STX8: variants seen among roughly 807,000 people sequenced by gnomAD.
The protein encoded by STX8 is syntaxin-8.
In STX8, 23 loss-of-function variants were observed where a neutral mutation model predicts 37.5. The observed-to-expected ratio is 0.61, with a 90% confidence interval of 0.44 to 0.87. STX8 has a LOEUF of 0.87. STX8 is among the 40% of genes least tolerant of loss of function. The pLI is 0.00. For missense variants in STX8, 313 were observed against 284.7 expected, an observed-to-expected ratio of 1.10 and a Z score of -0.71; for synonymous variants, 115 against 99.1, an observed-to-expected ratio of 1.16 and a Z score of -0.95.
chr17:9,295,161 T>C (rs1908469564), intron 7 of STX8, among the ~76,000 whole-genome samples: 1 of 152,234 alleles, frequency 6.6e-6, no homozygotes, highest in Non-Finnish European at 1.5e-5. Flanking sequence ...CTAATTTATA[T>C]TTGAAAACTC....
rs527835070 is a variant in STX8 at position 9,450,538 on chromosome 17, G to A, written c.541+41291C>T. ...TATCTTACTCAGACTAGCCTCAAAC[G>A]ATCCTCCAGCCTCAGCCTCCCTAGT... On this transcript the variant is annotated intron_variant, in intron 6 of 7. Transcript: ENST00000306357. 4.0e-5 allele frequency among the ~76,000 whole-genome samples: 6 copies of A among 151,238 alleles called. No individual in the cohort carries two copies. The East Asian group carries it at 7.9e-4, about 20-fold the overall frequency.
intron 4 of STX8, among the ~76,000 whole-genome samples, chr17:9,519,455 T>C (rs148203479): frequency 5.3e-5 from 8 of 152,034 alleles, no homozygotes; most frequent in African/African-American, 1.9e-4. Flanking sequence ...CTGACTGCCC[T>C]CCCCATTGGT....
chr17:9,512,371 C>T (rs1567592318), intron 4 of STX8, among the ~76,000 whole-genome samples: 1 of 152,144 alleles, frequency 6.6e-6, no homozygotes, highest in South Asian at 2.1e-4. Flanking sequence ...TACTACAATG[C>T]TGTTTTTATG....
At chr17:9,303,352 C>T (rs541912347) in intron 7 of STX8, among the ~76,000 whole-genome samples, 22 of 152,238 alleles carry the variant, frequency 1.4e-4, no homozygotes, top group Admixed American at 1.4e-3. Flanking sequence ...ACTGCTCACT[C>T]CAGAGCTGTT....
intron 4 of STX8, among the ~76,000 whole-genome samples, chr17:9,529,153 C>T (rs1450898902): frequency 7.0e-6 from 1 of 143,680 alleles, no homozygotes; most frequent in African/African-American, 2.5e-5. Context: ...GGAGAAAAAC[C>T]CTAACTTTTC....
chr17:9,557,360 A>T, intron 3 of STX8, 74 bp downstream of exon 3: 2 of 1,335,944 alleles, frequency 1.5e-6, no homozygotes, highest in Non-Finnish European at 2.1e-6. Flanking sequence ...GGTGGCCCAG[A>T]TTCCTTCCTT....
chr17:9,437,201 T>C (rs1904467130), intron 6 of STX8, among the ~76,000 whole-genome samples: 2 of 152,210 alleles, frequency 1.3e-5, no homozygotes, highest in Non-Finnish European at 2.9e-5. Context: ...GCTTAAATAT[T>C]CCATTACTCG....
At chr17:9,279,865 T>C (rs751870131) in intron 7 of STX8, among the ~76,000 whole-genome samples, 2 of 152,216 alleles carry the variant, frequency 1.3e-5, no homozygotes, top group Non-Finnish European at 2.9e-5. Context: ...GAAAACCCTT[T>C]TGAACTAAAG....
At chr17:9,544,249 C>T (rs935750582) in intron 4 of STX8, among the ~76,000 whole-genome samples, 7 of 152,138 alleles carry the variant, frequency 4.6e-5, no homozygotes, top group African/African-American at 1.2e-4. Context: ...ATGGTTCCCA[C>T]GATGAAGCTA....
At chr17:9,437,435 T>C (rs557881539) in intron 6 of STX8, among the ~76,000 whole-genome samples, 1 of 152,324 alleles carries the variant, frequency 6.6e-6, no homozygotes, top group South Asian at 2.1e-4. Context: ...GGGATGTGCA[T>C]GAAATGGACA....
intron 4 of STX8, among the ~76,000 whole-genome samples, chr17:9,517,392 TAAG>T (rs569400564): frequency 3.7e-4 from 57 of 152,238 alleles, no homozygotes; most frequent in African/African-American, 1.3e-3. Flanking sequence ...ATGAAATCAA[TAAG>T]GAGAGTTGTC....
intron 7 of STX8, among the ~76,000 whole-genome samples, chr17:9,333,802 T>C (rs79995353): frequency 0.012 from 1,843 of 152,256 alleles, 42 homozygotes; most frequent in African/African-American, 0.041. Flanking sequence ...ATGGAAGACA[T>C]AGAAATTTTT....
chr17:9,562,179 G>A (rs28708951), intron 2 of STX8, among the ~76,000 whole-genome samples: 8,967 of 151,872 alleles, frequency 0.059, 400 homozygotes, highest in African/African-American at 0.13. Flanking sequence ...TGAGGCAGGC[G>A]GATCACAAGG....
At chr17:9,554,137 G>C (rs555743518) in intron 3 of STX8, 132 of 152,612 alleles carry the variant, frequency 8.6e-4, no homozygotes, top group Non-Finnish European at 1.4e-3. Context: ...GCACATGCCT[G>C]TAATCCCAGC....
intron 6 of STX8, among the ~76,000 whole-genome samples, chr17:9,418,155 TGTG>T (rs1405869678): frequency 1.3e-5 from 2 of 152,136 alleles, no homozygotes; most frequent in Admixed American, 1.3e-4. Flanking sequence ...CCCTTCAAAC[TGTG>T]GAGTCTGATG....
Position 9,415,764 on chromosome 17 carries a change from G to A in STX8, c.542-37111C>T, listed in dbSNP as rs116864056. On this transcript the variant is annotated intron_variant, in intron 6 of 7. Coordinates refer to ENST00000306357, the MANE Select transcript of STX8 (RefSeq NM_004853.3). ...AGCCTGACTGACAGGGCAAGACTCC[G>A]TCTCAACAACAACAACAAAAAGCAA... 7.9e-3 allele frequency among the ~76,000 whole-genome samples: 1,204 copies of A among 152,128 alleles called. 9 individuals are homozygous for A. Among genetic ancestry groups the A allele is most frequent in the Non-Finnish European group, 0.012 (821 of 67,994 alleles).
chr17:9,321,319 C>T (rs186786614), intron 7 of STX8, among the ~76,000 whole-genome samples: 383 of 152,012 alleles, frequency 2.5e-3, no homozygotes, highest in African/African-American at 7.8e-3. Flanking sequence ...CACCTGAAGT[C>T]AGGAGTTCGA....
chr17:9,367,470 C>G (rs1271745385), intron 7 of STX8, among the ~76,000 whole-genome samples: 1 of 152,142 alleles, frequency 6.6e-6, no homozygotes, highest in African/African-American at 2.4e-5. Flanking sequence ...AGTCAGGGCC[C>G]CATGGTTATA....
At chr17:9,308,812 G>A (rs983570761) in intron 7 of STX8, among the ~76,000 whole-genome samples, 2 of 150,692 alleles carry the variant, frequency 1.3e-5, no homozygotes, top group African/African-American at 2.4e-5. Flanking sequence ...AACAGACTTT[G>A]CTTCTGAAGC....
Sources: allele counts gnomAD v4.1 joint callset (sites outside exome capture counted in the v4.1 genomes callset), GRCh38; gene constraint gnomAD v4.1.1; transcripts MANE v1.5; gene names NCBI Gene and HGNC (gene_info 2026-07-23, HGNC 2026-07-21).